Variants in SPAG17 observed in about 807,000 individuals in gnomAD.
SPAG17 encodes sperm-associated antigen 17.
SPAG17 carries 169 observed loss-of-function variants against 273.6 expected under a neutral mutation model. The observed-to-expected ratio is 0.62, with a 90% CI of 0.55 to 0.70. The LOEUF is 0.70. Among genes scored for constraint, SPAG17 ranks in the 30% least tolerant of loss-of-function variants. The probability of loss-of-function intolerance (pLI) is 0.00; values close to 1 mark genes in which losing one functional copy is unlikely to be tolerated. For missense variants in SPAG17, 2,557 were observed against 2,627.8 expected (o/e 0.97, Z 0.59); for synonymous variants, 825 against 873.2 (o/e 0.94, Z 0.97).
At chr1:117,993,039 T>C (rs1657282641) in intron 35 of SPAG17, among the ~76,000 whole-genome samples, 1 of 152,184 alleles carries the variant, frequency 6.6e-6, no homozygotes, top group Non-Finnish European at 1.5e-5. Context: ...TGTGTTGATT[T>C]TGACCTAGAA....
chr1:118,128,237 G>C (rs1657850733), intron 3 of SPAG17, among the ~76,000 whole-genome samples: 1 of 152,002 alleles, frequency 6.6e-6, no homozygotes, highest in Non-Finnish European at 1.5e-5. Context: ...TAGAAAAGCT[G>C]ATTTTTGTAT....
Position 118,066,822 on chromosome 1 carries a change from G to T in SPAG17, c.2463C>A (p.Val821=). ...YHTQDNSLLL[V]FHNPMNRQRL... ...GTTGTCTATTCATTGGATTGTGAAA[G>T]ACTAAAAGTAAAGAGTTGTCTTGGG... Residue 821 remains valine, a synonymous_variant, in exon 18 of 49, where the codon GTC becomes GTA. Transcript: ENST00000336338. 6.2e-7 allele frequency: 1 copy of T among 1,613,830 alleles called. No homozygotes were observed. The highest frequency in any genetic ancestry group is 8.5e-7 in the Non-Finnish European group (1 of 1,179,800).
intron 30 of SPAG17, among the ~76,000 whole-genome samples, chr1:118,008,663 C>A (rs1659159062): frequency 6.6e-6 from 1 of 151,994 alleles, no homozygotes; most frequent in East Asian, 1.9e-4. Flanking sequence ...ATATCATGAA[C>A]AATATAAATG....
Position 117,990,896 on chromosome 1 carries a change from T to C in SPAG17, c.5486A>G (p.Lys1829Arg). The change falls in exon 38 of 49, where the codon AAA becomes AGA. Residue 1829 changes from lysine (K) to arginine (R), a missense_variant. Lys to Arg is a conservative substitution (Grantham distance 26, BLOSUM62 2). Transcript: ENST00000336338. ...ATGACTTTTTGTAGTTTCCTCCATT[T>C]TAGGGAAAGACTGAAATGAAGATAG... is the stretch of plus-strand genomic sequence containing the variant. ...DLLKLVMSFP[K>R]MEETTKSHVT... 1 of 1,566,432 alleles carries C rather than the reference T, an allele frequency of 6.4e-7. No homozygotes were observed. Among genetic ancestry groups the C allele is most frequent in the Non-Finnish European group, 8.7e-7 (1 of 1,148,650 alleles).
At chr1:118,158,146 T>C (rs1352140195) in intron 1 of SPAG17, among the ~76,000 whole-genome samples, 3 of 152,234 alleles carry the variant, frequency 2.0e-5, no homozygotes, top group Non-Finnish European at 2.9e-5. Context: ...GAACATATTA[T>C]GTTTAAAATT....
At chr1:117,959,229 T>C (rs1231892184) in intron 48 of SPAG17, 4 of 1,557,316 alleles carry the variant, frequency 2.6e-6, no homozygotes, top group Non-Finnish European at 3.5e-6. Flanking sequence ...CTAACTCTCA[T>C]ACGCTGCTAT....
rs1355740181 is a variant in SPAG17 at position 117,992,662 on chromosome 1, A to G, written c.5179-14T>C. ...TGGAGTTTTTTTCTGTTAACAAAAC[A>G]AAGCAATAACACCACCAAAGAAATC... is the stretch of plus-strand genomic sequence containing the variant. On this transcript the variant is annotated splice_polypyrimidine_tract_variant and intron_variant, in intron 35 of 48. Transcript: ENST00000336338. 3 of 1,564,590 alleles carry G rather than the reference A, an allele frequency of 1.9e-6. No individual in the cohort carries two copies. Among genetic ancestry groups the G allele is most frequent in the Non-Finnish European group, 2.6e-6 (3 of 1,160,126 alleles).
intron 10 of SPAG17, 79 bp downstream of exon 10, chr1:118,091,527 A>T (rs1655370497): frequency 1.3e-6 from 1 of 749,158 alleles, no homozygotes. Flanking sequence ...TATAATTTTA[A>T]AATAGTGTAA....
At position 117,975,841 on chromosome 1, in the gene SPAG17, G is replaced by A. The variant is rs2148031; in HGVS notation, c.6005-2280C>T. Among the ~76,000 whole-genome samples the A allele has an allele frequency of 3.9e-5, 6 of 152,022 alleles. No homozygotes were observed. In the East Asian group the frequency reaches 1.2e-3, roughly 29 times the overall value. On this transcript the variant is annotated intron_variant, in intron 43 of 48. Transcript: ENST00000336338. ...CATATCCTTGCCGTATGTGTACTACGGCTTTGTGTGTATGCATGTATCAGT... is the reference window on the plus strand; with the variant it reads ...CATATCCTTGCCGTATGTGTACTACAGCTTTGTGTGTATGCATGTATCAGT...
At chr1:118,019,107 A>G (rs1442444352) in intron 28 of SPAG17, among the ~76,000 whole-genome samples, 1 of 151,966 alleles carries the variant, frequency 6.6e-6, no homozygotes, top group Non-Finnish European at 1.5e-5. Flanking sequence ...AAAAATTATC[A>G]TCTCATAGTC....
intron 3 of SPAG17, among the ~76,000 whole-genome samples, chr1:118,148,721 G>A (rs529561131): frequency 6.6e-6 from 1 of 152,286 alleles, no homozygotes; most frequent in African/African-American, 2.4e-5. Flanking sequence ...ATTCTAAACA[G>A]AAATAGATTC....
chr1:118,132,639 A>T (rs927849274), intron 3 of SPAG17, among the ~76,000 whole-genome samples: 2 of 152,140 alleles, frequency 1.3e-5, no homozygotes, highest in Non-Finnish European at 2.9e-5. Context: ...GTTTAGCAGA[A>T]GTATTTTAAT....
At chr1:118,146,182 T>C (rs555274023) in intron 3 of SPAG17, among the ~76,000 whole-genome samples, 6 of 152,222 alleles carry the variant, frequency 3.9e-5, no homozygotes, top group Non-Finnish European at 8.8e-5. Flanking sequence ...ATTTATCCCA[T>C]AAAGTTCACT....
At chr1:117,955,333 G>C in intron 48 of SPAG17, 1 of 1,612,504 alleles carries the variant, frequency 6.2e-7, no homozygotes, top group Non-Finnish European at 8.5e-7. Context: ...TTATGTATTA[G>C]AGATTTTTAA....
chr1:118,093,309 C>A lies in SPAG17; in HGVS notation c.1020G>T (p.Leu340Phe), dbSNP rs757315284. ...DWSDGEMMLK[L>F]GTDIFENIAC... Reference sequence around the variant, plus strand: ...CAATATTTTCAAAAATATCAGTGCCCAATTTCAGCTACAAGTGAGAGATTT... The same window carrying A: ...CAATATTTTCAAAAATATCAGTGCCAAATTTCAGCTACAAGTGAGAGATTT... The change falls in exon 8 of 49, where the codon TTG (leucine) becomes TTT (phenylalanine). Residue 340 changes from leucine (L) to phenylalanine (F), a missense_variant. By Grantham distance (22) the Leu-to-Phe change is conservative (BLOSUM62 0). Coordinates refer to ENST00000336338, the MANE Select transcript of SPAG17 (RefSeq NM_206996.4). 6.2e-7 allele frequency: 1 copy of A among 1,606,432 alleles called. No individual in the cohort carries two copies. Among genetic ancestry groups the A allele is most frequent in the Admixed American group, 1.7e-5 (1 of 58,898 alleles).
chr1:118,056,450 G>A (rs183512950), intron 18 of SPAG17, among the ~76,000 whole-genome samples: 1 of 152,234 alleles, frequency 6.6e-6, no homozygotes, highest in East Asian at 1.9e-4. Context: ...CTAACTGCTT[G>A]TGCATTTATG....
At chr1:118,021,360 C>T (rs1282949638) in intron 28 of SPAG17, among the ~76,000 whole-genome samples, 2 of 152,006 alleles carry the variant, frequency 1.3e-5, no homozygotes, top group Non-Finnish European at 2.9e-5. Flanking sequence ...TAAAACTATA[C>T]AGACAATAAA....
chr1:117,986,588 C>G (rs1220238373), intron 40 of SPAG17, among the ~76,000 whole-genome samples: 1 of 152,128 alleles, frequency 6.6e-6, no homozygotes, highest in Non-Finnish European at 1.5e-5. Context: ...ATAGATAATA[C>G]AGGCATATGT....
intron 31 of SPAG17, among the ~76,000 whole-genome samples, 199 bp from the exon 32 acceptor site, chr1:118,005,801 T>A (rs1658819096): frequency 6.6e-6 from 1 of 152,200 alleles, no homozygotes; most frequent in Non-Finnish European, 1.5e-5. Flanking sequence ...AGTTAGGATA[T>A]CATTTCTCCT....
Sources: allele counts gnomAD v4.1 joint callset (sites outside exome capture counted in the v4.1 genomes callset), GRCh38; gene constraint gnomAD v4.1.1; transcripts MANE v1.5; gene names NCBI Gene and HGNC (gene_info 2026-07-23, HGNC 2026-07-21).